Variants in PTPRD observed in about 807,000 individuals in gnomAD.
PTPRD encodes the protein receptor-type tyrosine-protein phosphatase delta.
In PTPRD, 34 loss-of-function variants were observed where a neutral mutation model predicts 214.5. The ratio of observed to expected loss-of-function variants is 0.16; its 90% CI spans 0.12 to 0.21. The LOEUF (loss-of-function observed/expected upper bound fraction) is 0.21, where lower values mean the gene tolerates loss of function less well. PTPRD is among the 10% of genes least tolerant of loss of function. The pLI is 1.00. For synonymous variants in PTPRD, 1,128 were observed against 845.7 expected (o/e 1.33, Z -5.79); for missense variants, 2,545 against 2,398.7 (o/e 1.06, Z -1.27).
intron 30 of PTPRD, 102 bp from the exon 31 acceptor site, chr9:8,471,187 T>C (rs2096645964): frequency 1.1e-6 from 1 of 872,918 alleles, no homozygotes; most frequent in Non-Finnish European, 1.9e-6. Flanking sequence ...AGGCAAATTA[T>C]GGATATGGGG....
intron 12 of PTPRD, among the ~76,000 whole-genome samples, chr9:8,667,533 G>C (rs1448237249): frequency 6.6e-6 from 1 of 151,880 alleles, no homozygotes; most frequent in African/African-American, 2.4e-5. Flanking sequence ...CCACATCTAA[G>C]TACTTAACAG....
intron 9 of PTPRD, among the ~76,000 whole-genome samples, chr9:9,205,032 G>A (rs1470303247): frequency 6.6e-6 from 1 of 151,984 alleles, no homozygotes; most frequent in East Asian, 1.9e-4. Flanking sequence ...CTCTAGGGGT[G>A]GCAATTTAAT....
chr9:10,068,297 G>A (rs2097920611), intron 3 of PTPRD, among the ~76,000 whole-genome samples: 1 of 151,794 alleles, frequency 6.6e-6, no homozygotes, highest in Non-Finnish European at 1.5e-5. Flanking sequence ...CAGGAACTTG[G>A]CCTTTTCATC....
chr9:10,513,795 AT>A (rs2049086979), intron 2 of PTPRD, among the ~76,000 whole-genome samples: 1 of 152,140 alleles, frequency 6.6e-6, no homozygotes, highest in South Asian at 2.1e-4. Context: ...TGCAAAAGAA[AT>A]TTTTAAAACT....
At position 8,413,804 on chromosome 9, in the gene PTPRD, G is replaced by A. The variant is rs532402262; in HGVS notation, c.4087-9144C>T. ...CAAATTAACACAATCTAGAATTTTA[G>A]AGTTTAGTATCTTTCTAAACTAAAA... On this transcript the variant is annotated intron_variant, in intron 35 of 45. Transcript: ENST00000381196. 2.0e-5 allele frequency among the ~76,000 whole-genome samples: 3 copies of A among 152,170 alleles called. 1 individual carries two copies. The highest frequency in any genetic ancestry group is 4.1e-4 in the South Asian group (2 of 4,824).
intron 3 of PTPRD, among the ~76,000 whole-genome samples, chr9:10,095,430 T>C (rs762698899): frequency 6.6e-6 from 1 of 151,522 alleles, no homozygotes. Context: ...TCATCTCTGA[T>C]ACTGACAATG....
At chr9:10,424,095 A>C (rs12005129) in intron 2 of PTPRD, among the ~76,000 whole-genome samples, 4,243 of 152,074 alleles carry the variant, frequency 0.028, 215 homozygotes, top group African/African-American at 0.097. Context: ...GTTTGAGTTA[A>C]ATGTGTGCCT....
At chr9:9,514,351 T>C (rs775924692) in intron 8 of PTPRD, among the ~76,000 whole-genome samples, 2 of 152,092 alleles carry the variant, frequency 1.3e-5, no homozygotes, top group Non-Finnish European at 2.9e-5. Flanking sequence ...CACAGGGATC[T>C]GGATAGTTAT....
intron 10 of PTPRD, among the ~76,000 whole-genome samples, chr9:9,019,321 A>AAGAAAGG (rs1569429242): frequency 1.1e-5 from 1 of 87,606 alleles, no homozygotes. Flanking sequence ...AGAAAGAAAG[A>AAGAAAGG]AAGAAAGAAA....
chr9:9,986,186 G>GT (rs1171092287), intron 4 of PTPRD, among the ~76,000 whole-genome samples: 1 of 152,090 alleles, frequency 6.6e-6, no homozygotes, highest in Non-Finnish European at 1.5e-5. Flanking sequence ...ACAAAGTTCT[G>GT]TAGAACGCTC....
At chr9:8,961,051 T>C (rs947785976) in intron 11 of PTPRD, among the ~76,000 whole-genome samples, 4 of 152,032 alleles carry the variant, frequency 2.6e-5, no homozygotes, top group Non-Finnish European at 5.9e-5. Flanking sequence ...AATTAATATA[T>C]AATAAGTAGT....
At chr9:9,415,972 A>C (rs1454194519) in intron 8 of PTPRD, among the ~76,000 whole-genome samples, 1 of 152,126 alleles carries the variant, frequency 6.6e-6, no homozygotes, top group Non-Finnish European at 1.5e-5. Context: ...GTAATGTCTA[A>C]GTTTATTTAC....
intron 4 of PTPRD, among the ~76,000 whole-genome samples, chr9:9,973,704 A>G (rs1216843774): frequency 6.6e-6 from 1 of 152,200 alleles, no homozygotes; most frequent in East Asian, 1.9e-4. Context: ...TTTAGAGCTT[A>G]GGAGCAAGTA....
At chr9:9,218,095 G>A (rs868532358) in intron 9 of PTPRD, among the ~76,000 whole-genome samples, 1 of 152,094 alleles carries the variant, frequency 6.6e-6, no homozygotes, top group East Asian at 1.9e-4. Flanking sequence ...TTGGAACACA[G>A]CAGCAAATTA....
At chr9:8,435,116 G>T (rs950574833) in intron 35 of PTPRD, among the ~76,000 whole-genome samples, 2 of 152,224 alleles carry the variant, frequency 1.3e-5, no homozygotes, top group African/African-American at 4.8e-5. Context: ...CAAACTGAAT[G>T]AAACGTGGTC....
intron 11 of PTPRD, chr9:8,860,543 A>G (rs2154545582): frequency 6.6e-6 from 1 of 152,342 alleles, no homozygotes; most frequent in African/African-American, 2.4e-5. Flanking sequence ...TGCTGCTGAA[A>G]AACGGGAGAT....
chr9:8,597,089 A>C (rs931173386), intron 14 of PTPRD, among the ~76,000 whole-genome samples: 5 of 152,152 alleles, frequency 3.3e-5, no homozygotes, highest in Admixed American at 6.5e-5. Context: ...TTTTAAAATT[A>C]CAATCATGCG....
At chr9:9,422,265 G>C (rs1415724502) in intron 8 of PTPRD, among the ~76,000 whole-genome samples, 2 of 152,116 alleles carry the variant, frequency 1.3e-5, no homozygotes, top group Middle Eastern at 3.2e-3. Flanking sequence ...AGGTCACACA[G>C]CTAAGGTCCC....
rs115087018 is a variant in PTPRD at position 9,135,480 on chromosome 9, T to C, written c.-143+47824A>G. Reference sequence around the variant, plus strand: ...CTGTGATGGCTGCCACCAGGACTTCTTCACATTGCTGTTGACTAATTCTCA... The same window carrying C: ...CTGTGATGGCTGCCACCAGGACTTCCTCACATTGCTGTTGACTAATTCTCA... On this transcript the variant is annotated intron_variant, in intron 10 of 45. Coordinates refer to ENST00000381196, the MANE Select transcript of PTPRD (RefSeq NM_002839.4). Among the ~76,000 whole-genome samples, 891 of 152,298 alleles carry C rather than the reference T, an allele frequency of 5.9e-3. 9 individuals are homozygous for C. Among genetic ancestry groups the C allele is most frequent in the African/African-American group, 0.02 (852 of 41,564 alleles).
Sources: allele counts gnomAD v4.1 joint callset (sites outside exome capture counted in the v4.1 genomes callset), GRCh38; gene constraint gnomAD v4.1.1; transcripts MANE v1.5; gene names NCBI Gene and HGNC (gene_info 2026-07-23, HGNC 2026-07-21).